The following ROR2 variants were observed in gnomAD, a reference collection of about 807,000 sequenced individuals.
ROR2 encodes the protein tyrosine-protein kinase transmembrane receptor ROR2.
Under a neutral mutation model 74.9 loss-of-function variants are expected in ROR2, and 33 were observed. That is an observed-to-expected ratio of 0.44 (90% CI 0.33 to 0.59). ROR2 has a LOEUF of 0.59. ROR2 is among the 20% of genes least tolerant of loss of function. The pLI is 0.02. For missense variants in ROR2, 1,216 were observed against 1,313.8 expected (o/e 0.93, Z 1.15); for synonymous variants, 586 against 558.7 (o/e 1.05, Z -0.69).
chr9:91,921,313 C>T (rs1027323293), intron 1 of ROR2, among the ~76,000 whole-genome samples: 1 of 152,248 alleles, frequency 6.6e-6, no homozygotes, highest in African/African-American at 2.4e-5. Context: ...AAAGTTAAAA[C>T]AGGAATTCCA....
rs775487100 is a variant in ROR2, at chr9:91,905,827, T to G, written c.97+44040A>C. 1.3e-5 allele frequency among the ~76,000 whole-genome samples: 2 copies of G among 149,342 alleles called. No homozygotes were observed. The highest frequency in any genetic ancestry group is 3.0e-5 in the Non-Finnish European group (2 of 67,048). ...AACTAAGAGAGGGAGCCAATCAACTTTTTTTTTTTAAGAGCTAAGAGCAGA... is the reference window on the plus strand; with the variant it reads ...AACTAAGAGAGGGAGCCAATCAACTGTTTTTTTTTAAGAGCTAAGAGCAGA... On this transcript the variant is annotated intron_variant, in intron 1 of 8. Coordinates refer to ENST00000375708, the MANE Select transcript of ROR2 (RefSeq NM_004560.4). The surrounding 1 kb of genome is among the most constrained non-coding windows in gnomAD (Gnocchi z 5.3).
chr9:91,945,940 T>C (rs1328893719), intron 1 of ROR2, among the ~76,000 whole-genome samples: 1 of 152,206 alleles, frequency 6.6e-6, no homozygotes, highest in Non-Finnish European at 1.5e-5. Context: ...CCCGGCCAGT[T>C]GCAGCTATAA....
At chr9:91,741,852 A>G (rs1036759577) in intron 4 of ROR2, among the ~76,000 whole-genome samples, 1 of 152,220 alleles carries the variant, frequency 6.6e-6, no homozygotes, top group African/African-American at 2.4e-5. Flanking sequence ...TCAAAACTCA[A>G]TACTCTTTAC....
chr9:91,852,315 AC>A (rs1324248584), intron 1 of ROR2, among the ~76,000 whole-genome samples: 1 of 152,180 alleles, frequency 6.6e-6, no homozygotes, highest in Non-Finnish European at 1.5e-5. Flanking sequence ...CAAAATGTAT[AC>A]TTACCATTTG....
intron 1 of ROR2, among the ~76,000 whole-genome samples, chr9:91,913,294 T>C (rs748738719): frequency 1.3e-5 from 2 of 152,236 alleles, no homozygotes; most frequent in African/African-American, 2.4e-5. Context: ...AATGCACCAC[T>C]AACAGTGATT....
chr9:91,863,525 C>T (rs1434291470), intron 1 of ROR2, among the ~76,000 whole-genome samples: 1 of 151,780 alleles, frequency 6.6e-6, no homozygotes, highest in African/African-American at 2.4e-5. Flanking sequence ...GAAAAGAAAA[C>T]AAAAACAAAA....
chr9:91,816,695 C>T (rs538428035), intron 1 of ROR2, among the ~76,000 whole-genome samples: 20 of 137,472 alleles, frequency 1.5e-4, no homozygotes, highest in African/African-American at 5.2e-4. Flanking sequence ...ACCACCCCCC[C>T]ACCCCCCCAA....
intron 1 of ROR2, among the ~76,000 whole-genome samples, chr9:91,936,016 T>C (rs528184871): frequency 9.9e-5 from 15 of 152,194 alleles, no homozygotes; most frequent in Admixed American, 3.3e-4. Context: ...ACTGGCCTCA[T>C]GAGTCTGTGC....
At chr9:91,940,482 A>G (rs2118045615) in intron 1 of ROR2, among the ~76,000 whole-genome samples, 1 of 152,344 alleles carries the variant, frequency 6.6e-6, no homozygotes, top group African/African-American at 2.4e-5. Context: ...CTAGACAAAG[A>G]CAGAGATTTT....
At chr9:91,797,753 C>T (rs1223485982) in intron 1 of ROR2, among the ~76,000 whole-genome samples, 2 of 74,804 alleles carry the variant, frequency 2.7e-5, no homozygotes, top group African/African-American at 1.5e-4. Flanking sequence ...GCGGGGCTGA[C>T]ACCCTGGGAT....
chr9:91,832,295 G>A (rs1242444390), intron 1 of ROR2, among the ~76,000 whole-genome samples: 1 of 129,322 alleles, frequency 7.7e-6, no homozygotes, highest in Non-Finnish European at 1.6e-5. Context: ...ATTATGTTAT[G>A]TTTTCAAACA....
rs1829133234 is a variant in ROR2, at chr9:91,852,624, A to ACACACACACACACAC, written c.98-76807_98-76806insGTGTGTGTGTGTGTG. Among the ~76,000 whole-genome samples the ACACACACACACACAC allele has an allele frequency of 4.7e-3, 587 of 123,818 alleles. 7 individuals are homozygous for ACACACACACACACAC. Among genetic ancestry groups the ACACACACACACACAC allele is most frequent in the Admixed American group, 0.03 (375 of 12,570 alleles). The allele number at this position is 123,818 out of a possible 152,430, so 81.2% of individuals were successfully genotyped here. On this transcript the variant is annotated intron_variant, in intron 1 of 8. Coordinates refer to ENST00000375708, the MANE Select transcript of ROR2 (RefSeq NM_004560.4). ...GTTACAAATAAATGGAAAACACACA[A>ACACACACACACACAC]ACACACACACACACACACACACACA...
intron 4 of ROR2, among the ~76,000 whole-genome samples, chr9:91,753,797 C>A (rs1304307727): frequency 2.0e-5 from 3 of 152,122 alleles, no homozygotes; most frequent in Non-Finnish European, 2.9e-5. Flanking sequence ...TCAAGTATAG[C>A]ATCATTTATG....
At chr9:91,731,276 G>T in intron 6 of ROR2, 121 bp from the exon 7 acceptor site, 2 of 1,405,372 alleles carry the variant, frequency 1.4e-6, no homozygotes, top group African/African-American at 1.4e-5. Flanking sequence ...CAGAAAAGAG[G>T]CATTAAAAGT....
At chr9:91,837,083 G>A (rs958485782) in intron 1 of ROR2, among the ~76,000 whole-genome samples, 13 of 151,870 alleles carry the variant, frequency 8.6e-5, no homozygotes, top group South Asian at 8.3e-4. Flanking sequence ...AAGTTCACTC[G>A]AGATGTGTAC....
intron 1 of ROR2, among the ~76,000 whole-genome samples, chr9:91,872,009 A>G (rs1035086915): frequency 2.0e-5 from 3 of 152,158 alleles, no homozygotes. Context: ...AACCCACAGA[A>G]CTGTGTGCTG....
intron 7 of ROR2, among the ~76,000 whole-genome samples, chr9:91,728,726 C>T (rs749807791): frequency 2.6e-5 from 4 of 152,226 alleles, no homozygotes; most frequent in South Asian, 2.1e-4. Context: ...CCACCACACC[C>T]GGCCTAAATG....
chr9:91,762,515 AAC>A (rs1386677881), intron 2 of ROR2, among the ~76,000 whole-genome samples: 2 of 152,236 alleles, frequency 1.3e-5, no homozygotes, highest in Non-Finnish European at 2.9e-5. Context: ...ATACAGAAAA[AAC>A]ACAGCTATCA....
intron 1 of ROR2, among the ~76,000 whole-genome samples, chr9:91,917,667 G>A (rs541297779): frequency 3.7e-4 from 57 of 152,330 alleles, no homozygotes; most frequent in Admixed American, 3.1e-3. Flanking sequence ...TCCCCACATT[G>A]GGCAAAACCA....
Sources: allele counts gnomAD v4.1 joint callset (sites outside exome capture counted in the v4.1 genomes callset), GRCh38; gene constraint gnomAD v4.1.1; non-coding constraint Gnocchi (gnomAD v3.1); transcripts MANE v1.5; gene names NCBI Gene and HGNC (gene_info 2026-07-23, HGNC 2026-07-21).